The following ROBO2 variants were observed in gnomAD, a reference collection of about 807,000 sequenced individuals.
ROBO2 encodes roundabout guidance receptor 2.
A neutral mutation model predicts 160.8 loss-of-function variants in ROBO2; 53 were observed. The ratio of observed to expected loss-of-function variants is 0.33; its 90% CI spans 0.26 to 0.41. The LOEUF (loss-of-function observed/expected upper bound fraction) is 0.41, where lower values mean the gene tolerates loss of function less well. ROBO2 is among the 10% of genes least tolerant of loss of function. The pLI, the probability that ROBO2 is intolerant of heterozygous loss-of-function variation, is 1.00. For synonymous variants in ROBO2, 664 were observed against 611.7 expected (o/e 1.09, Z -1.26); for missense variants, 1,577 against 1,722.4 (o/e 0.92, Z 1.49).
intron 2 of ROBO2, among the ~76,000 whole-genome samples, chr3:76,600,529 G>A (rs533608073): frequency 5.9e-5 from 9 of 152,246 alleles, no homozygotes; most frequent in East Asian, 5.8e-4. Flanking sequence ...CCTATCTTGT[G>A]TCACAGCAGG....
intron 2 of ROBO2, among the ~76,000 whole-genome samples, chr3:76,562,976 CATCT>C (rs112611190): frequency 1.3e-5 from 2 of 151,790 alleles, no homozygotes; most frequent in African/African-American, 2.4e-5. Context: ...CTCCCTTCTT[CATCT>C]ATCTGTTTAC....
intron 5 of ROBO2, among the ~76,000 whole-genome samples, chr3:77,522,129 T>C (rs2153627731): frequency 6.6e-6 from 1 of 151,444 alleles, no homozygotes; most frequent in Admixed American, 6.6e-5. Flanking sequence ...TAATGTTTTC[T>C]GACCCACTTT....
rs11451740 is a variant in ROBO2, at chr3:77,258,622, T to TAA, written c.388+160295_388+160296dup. Among the ~76,000 whole-genome samples, 199 of 119,798 alleles carry TAA rather than the reference T, an allele frequency of 1.7e-3. 1 individual carries two copies. The highest frequency in any genetic ancestry group is 7.7e-3 in the East Asian group (34 of 4,434). The allele number at this position is 119,798 out of a possible 152,430, so 78.6% of individuals were successfully genotyped here. A position where few individuals can be genotyped will look rare whatever the true frequency, so the allele number is the denominator to read the frequency against. On this transcript the variant is annotated intron_variant, in intron 2 of 25. Coordinates refer to ENST00000461745, the Ensembl canonical transcript of ROBO2. ...TGGGTGACAGACGGAGACTTTGTCTTAAAAAAAAAAAAAAGGAAGAAAAAA... is the reference window on the plus strand; with the variant it reads ...TGGGTGACAGACGGAGACTTTGTCTTAAAAAAAAAAAAAAAAGGAAGAAAAAA...
intron 2 of ROBO2, among the ~76,000 whole-genome samples, chr3:76,603,920 G>A (rs1469965325): frequency 6.6e-6 from 1 of 152,138 alleles, no homozygotes; most frequent in Non-Finnish European, 1.5e-5. Flanking sequence ...CTTACAAATT[G>A]CACCGAAAGT....
Position 77,433,486 on chromosome 3 carries a change from G to GTACATA in ROBO2, c.389-43926_389-43925insCATATA, listed in dbSNP as rs1325507347. 6.5e-4 allele frequency among the ~76,000 whole-genome samples: 65 copies of GTACATA among 99,408 alleles called. 7 individuals carry two copies. Among genetic ancestry groups the GTACATA allele is most frequent in the East Asian group, 4.0e-3 (12 of 3,024 alleles). The allele number at this position is 99,408 out of a possible 152,430, so 65.2% of individuals were successfully genotyped here. ...GATTTTCCTTCTTCTCTGGCAACTT[G>GTACATA]TATATATATATATATATATATATAT... On this transcript the variant is annotated intron_variant, in intron 2 of 25. Coordinates refer to ENST00000461745, the Ensembl canonical transcript of ROBO2.
chr3:77,173,625 T>C (rs896573573), intron 2 of ROBO2, among the ~76,000 whole-genome samples: 23 of 152,218 alleles, frequency 1.5e-4, no homozygotes, highest in South Asian at 8.3e-4. Flanking sequence ...TTGGCACCAT[T>C]CATTTTTTTA....
At chr3:76,989,116 G>A (rs956092326) in intron 2 of ROBO2, among the ~76,000 whole-genome samples, 3 of 152,006 alleles carry the variant, frequency 2.0e-5, no homozygotes, top group Non-Finnish European at 2.9e-5. Flanking sequence ...AACAAAATTG[G>A]TAGTTTGGTA....
intron 2 of ROBO2, among the ~76,000 whole-genome samples, chr3:76,545,677 A>G (rs1008281053): frequency 4.1e-4 from 63 of 152,084 alleles, no homozygotes; most frequent in African/African-American, 1.4e-3. Flanking sequence ...CATAATAGAA[A>G]ATGATTTCAA....
At chr3:77,266,690 G>T (rs2059147985) in intron 2 of ROBO2, among the ~76,000 whole-genome samples, 1 of 151,998 alleles carries the variant, frequency 6.6e-6, no homozygotes, top group South Asian at 2.1e-4. Context: ...GTGATCTTGG[G>T]CAAATCCTTT....
intron 2 of ROBO2, among the ~76,000 whole-genome samples, chr3:76,395,742 G>C (rs2077406367): frequency 6.6e-6 from 1 of 152,098 alleles, no homozygotes; most frequent in Non-Finnish European, 1.5e-5. Flanking sequence ...TGAATTCCTG[G>C]ACACATACAT....
chr3:77,563,424 T>A (rs772878450), intron 11 of ROBO2, 95 bp downstream of exon 12: 22 of 1,183,910 alleles, frequency 1.9e-5, no homozygotes, highest in Admixed American at 7.1e-5. Context: ...ATTAAAGACA[T>A]GTCCAATCAA....
intron 2 of ROBO2, among the ~76,000 whole-genome samples, chr3:76,828,762 T>C (rs1326207042): frequency 1.3e-5 from 2 of 152,172 alleles, no homozygotes; most frequent in Non-Finnish European, 2.9e-5. Context: ...ATTTTTCTTA[T>C]CCTTTATGTC....
At chr3:77,581,386 C>G (rs78615811) in intron 16 of ROBO2, among the ~76,000 whole-genome samples, 5,425 of 152,142 alleles carry the variant, frequency 0.036, 199 homozygotes, top group East Asian at 0.13. Flanking sequence ...TGGCTTACCT[C>G]TAGATACTGA....
intron 1 of ROBO2, among the ~76,000 whole-genome samples, chr3:75,924,997 T>A (rs958571763): frequency 1.3e-5 from 2 of 152,052 alleles, no homozygotes; most frequent in Non-Finnish European, 2.9e-5. Flanking sequence ...GGGAATTTAT[T>A]TTCTTCAGAT....
intron 2 of ROBO2, among the ~76,000 whole-genome samples, chr3:76,547,004 C>T (rs2083145021): frequency 6.6e-6 from 1 of 151,948 alleles, no homozygotes; most frequent in African/African-American, 2.4e-5. Flanking sequence ...AAGAGCAAAA[C>T]TTAATTACTT....
chr3:77,318,975 C>G (rs1333600986), intron 2 of ROBO2, among the ~76,000 whole-genome samples: 1 of 152,188 alleles, frequency 6.6e-6, no homozygotes, highest in East Asian at 1.9e-4. Flanking sequence ...ATCAAAGTCT[C>G]TATTTCTCCA....
At chr3:77,077,728 C>T (rs1278389204) in intron 1 of ROBO2, among the ~76,000 whole-genome samples, 3 of 152,168 alleles carry the variant, frequency 2.0e-5, no homozygotes, top group Non-Finnish European at 4.4e-5. Flanking sequence ...TATATACACA[C>T]AGGTATGTTC....
chr3:76,268,988 T>C (rs1707263849), intron 2 of ROBO2, among the ~76,000 whole-genome samples: 1 of 152,122 alleles, frequency 6.6e-6, no homozygotes, highest in Admixed American at 6.6e-5. Context: ...TTTAATATTA[T>C]TTGTTTCATA....
At chr3:76,866,614 T>C (rs1376950519) in intron 2 of ROBO2, among the ~76,000 whole-genome samples, 1 of 152,198 alleles carries the variant, frequency 6.6e-6, no homozygotes, top group Non-Finnish European at 1.5e-5. Flanking sequence ...ACTGTCTCTT[T>C]GTGAGTTAAT....
Sources: allele counts gnomAD v4.1 joint callset (sites outside exome capture counted in the v4.1 genomes callset), GRCh38; gene constraint gnomAD v4.1.1; transcripts MANE v1.5; gene names NCBI Gene and HGNC (gene_info 2026-07-23, HGNC 2026-07-21).